FBRSL1: variants seen among roughly 807,000 people sequenced by gnomAD.
FBRSL1 encodes fibrosin like 1.
In FBRSL1, 51 loss-of-function variants were observed where a neutral mutation model predicts 89.6. The observed-to-expected ratio is 0.57, with a 90% confidence interval of 0.45 to 0.72. The LOEUF is 0.72. Ranked by LOEUF, FBRSL1 falls within the 30% of genes least tolerant of loss-of-function variation. The pLI is 0.00. For missense variants in FBRSL1, 1,618 were observed against 1,451.8 expected (o/e 1.11, Z -1.86); for synonymous variants, 779 against 681.1 (o/e 1.14, Z -2.24).
chr12:132,533,552 G>A (rs2036477153), intron 4 of FBRSL1, among the ~76,000 whole-genome samples: 1 of 152,266 alleles, frequency 6.6e-6, no homozygotes, highest in Non-Finnish European at 1.5e-5. Flanking sequence ...GGGTACCGTA[G>A]GGGTGGGGGC....
rs189313851 is a variant in FBRSL1, at chr12:132,577,507, G to T, written c.1834+576G>T. ...GGGGTCCCAGGACGGGCCCAGCTGC[G>T]GTGGTTTCCTAGGAAGGGTTCCAGG... On this transcript the variant is annotated intron_variant, in intron 15 of 18. Transcript: ENST00000680143. Among the ~76,000 whole-genome samples, 779 of 152,194 alleles carry T rather than the reference G, an allele frequency of 5.1e-3. 4 individuals carry two copies. Among genetic ancestry groups the T allele is most frequent in the African/African-American group, 0.017 (709 of 41,544 alleles).
intron 4 of FBRSL1, among the ~76,000 whole-genome samples, chr12:132,531,712 G>T (rs1051216906): frequency 1.3e-5 from 2 of 152,136 alleles, no homozygotes; most frequent in African/African-American, 4.8e-5. Flanking sequence ...GTTGCGTGTT[G>T]TGCACGTGTG....
chr12:132,570,380 G>A lies in FBRSL1; in HGVS notation c.1053G>A (p.Leu351=). 6.5e-7 allele frequency: 1 copy of A among 1,534,028 alleles called. No individual in the cohort carries two copies. Among genetic ancestry groups the A allele is most frequent in the African/African-American group, 1.4e-5 (1 of 72,790 alleles). ...APLGLGKHVS[L]SPHGPGPHLS... Reference sequence around the variant, plus strand: ...TGGGCCTGGGGAAGCACGTGTCGCTGTCGCCACACGGGCCGGGCCCCCACC... The same window carrying A: ...TGGGCCTGGGGAAGCACGTGTCGCTATCGCCACACGGGCCGGGCCCCCACC... The change falls in exon 8 of 19, where the codon CTG becomes CTA. Residue 351 remains leucine (L), a synonymous_variant. Coordinates refer to ENST00000680143, the MANE Select transcript of FBRSL1 (RefSeq NM_001367871.1).
intron 4 of FBRSL1, among the ~76,000 whole-genome samples, chr12:132,537,066 C>G (rs1482746880): frequency 2.6e-5 from 4 of 152,126 alleles, no homozygotes; most frequent in Non-Finnish European, 4.4e-5. Flanking sequence ...CACCAGGAAC[C>G]CCCTTGCTGT....
Position 132,584,579 on chromosome 12 carries a change from G to C in FBRSL1, c.*801G>C, listed in dbSNP as rs1287897473. 3.9e-5 allele frequency: 6 copies of C among 152,028 alleles called. No homozygotes were observed. The highest frequency in any genetic ancestry group is 2.1e-4 in the South Asian group (1 of 4,836). 9.4% of individuals were successfully genotyped at this position (152,028 alleles called of 1,614,324 possible). A position where few individuals can be genotyped will look rare whatever the true frequency, so the allele number is the denominator to read the frequency against. The stretch of plus-strand genomic sequence containing the variant: ...CGCTTCCCGGCGGCTCTGCTGGTTG[G>C]GGGAGGAAGGTTCCGCCAGCGACCT... On this transcript the variant is annotated 3_prime_UTR_variant, in exon 19 of 19. Coordinates refer to ENST00000680143, the MANE Select transcript of FBRSL1 (RefSeq NM_001367871.1).
Position 132,583,029 on chromosome 12 carries a change from C to T in FBRSL1, c.2260C>T (p.His754Tyr). 3 of 1,457,312 alleles carry T rather than the reference C, an allele frequency of 2.1e-6. No individual in the cohort carries two copies. The South Asian group carries it at 4.0e-5, about 19-fold the overall frequency. The allele number at this position is 1,457,312 out of a possible 1,614,324, so 90.3% of individuals were successfully genotyped here. The change falls in exon 19 of 19, where the codon CAC (histidine) becomes TAC (tyrosine). Residue 754 changes from histidine to tyrosine, a missense_variant. By Grantham distance (83) the His-to-Tyr change is moderately conservative (BLOSUM62 2). Transcript: ENST00000680143. The part of the protein sequence containing the change: ...SRASPATPAG[H>Y]PVSGLLLRAQ... ...GGCCTCGCCCGCCACCCCCGCTGGC[C>T]ACCCCGTCAGCGGCCTCCTGCTCCG...
chr12:132,549,680 C>T lies in FBRSL1; in HGVS notation c.645+1648C>T, dbSNP rs1418600013. Among the ~76,000 whole-genome samples, 5 of 152,328 alleles carry T rather than the reference C, an allele frequency of 3.3e-5. No individual in the cohort carries two copies. The East Asian group carries it at 9.7e-4, about 29-fold the overall frequency. On this transcript the variant is annotated intron_variant, in intron 5 of 18. Coordinates refer to ENST00000680143, the MANE Select transcript of FBRSL1 (RefSeq NM_001367871.1). ...CGAGATGAGGCAAAGCCACCTGTGG[C>T]CCCGGAGGCCAGGTCCACGTGGAGT...
intron 1 of FBRSL1, among the ~76,000 whole-genome samples, chr12:132,506,684 A>G (rs369109117): frequency 3.9e-5 from 6 of 152,370 alleles, no homozygotes; most frequent in South Asian, 4.1e-4. Flanking sequence ...CAGTGTTAGC[A>G]GATTGCGTCC....
chr12:132,502,728 G>A (rs1162869694), intron 1 of FBRSL1, among the ~76,000 whole-genome samples: 1 of 119,880 alleles, frequency 8.3e-6, no homozygotes, highest in Non-Finnish European at 1.7e-5. Context: ...CCTCGAGCCC[G>A]CTATCCCCAT....
At chr12:132,490,900 G>A in intron 1 of FBRSL1, 39 bp downstream of exon 1, 1 of 1,287,190 alleles carries the variant, frequency 7.8e-7, no homozygotes, top group South Asian at 1.7e-5. Context: ...GTTGAGGCGA[G>A]AACGGGGCCC....
At chr12:132,558,866 C>T (rs1422011284) in intron 5 of FBRSL1, among the ~76,000 whole-genome samples, 2 of 152,240 alleles carry the variant, frequency 1.3e-5, no homozygotes, top group Non-Finnish European at 2.9e-5. Context: ...TGTCCCTGGC[C>T]GCACCAGAGC....
intron 1 of FBRSL1, among the ~76,000 whole-genome samples, chr12:132,493,603 G>A (rs2031486216): frequency 2.0e-5 from 3 of 152,188 alleles, no homozygotes; most frequent in Admixed American, 2.0e-4. Context: ...CCCTGTGCCC[G>A]GGGCAGGTCT....
chr12:132,514,091 T>A lies in FBRSL1; in HGVS notation c.489+5741T>A, dbSNP rs143429343. Among the ~76,000 whole-genome samples the A allele has an allele frequency of 4.2e-3, 637 of 152,362 alleles. 2 individuals are homozygous for A. The highest frequency in any genetic ancestry group is 0.015 in the African/African-American group (617 of 41,588). ...CGTTTGCTCATTCGGGATCCTTGTC[T>A]GGGCACTGAGGACGATGAGCTCCGC... On this transcript the variant is annotated intron_variant, in intron 2 of 18. Transcript: ENST00000680143.
intron 2 of FBRSL1, among the ~76,000 whole-genome samples, chr12:132,514,595 C>T (rs1031887971): frequency 4.6e-5 from 7 of 152,146 alleles, no homozygotes; most frequent in African/African-American, 1.7e-4. Flanking sequence ...GGGGGGACTC[C>T]GAGGAAGAAG....
intron 6 of FBRSL1, among the ~76,000 whole-genome samples, chr12:132,568,643 C>T (rs1476486389): frequency 1.3e-5 from 2 of 152,264 alleles, no homozygotes; most frequent in African/African-American, 4.8e-5. Flanking sequence ...CGGCCCAAGC[C>T]TCTTTCCATC....
Position 132,490,863 on chromosome 12 carries a change from T to G in FBRSL1, c.291+2T>G, listed in dbSNP as rs767353491. 7.9e-7 allele frequency: 1 copy of G among 1,263,474 alleles called. No individual in the cohort carries two copies. The highest frequency in any genetic ancestry group is 1.0e-6 in the Non-Finnish European group (1 of 953,886). The allele number at this position is 1,263,474 out of a possible 1,614,324, so 78.3% of individuals were successfully genotyped here. On this transcript the variant is annotated splice_donor_variant, in intron 1 of 18. Transcript: ENST00000680143. LOFTEE classifies it high-confidence loss of function. ...TTCAGCACCCTGGAGGCCCTGGAGG[T>G]AGGTGGACGGGTGCGGCTTCGCAGG...
In FBRSL1 at chr12:132,546,047, CT is replaced by C. The variant is rs1282828910; in HGVS notation, c.616-1955del. On this transcript the variant is annotated intron_variant, in intron 4 of 18. Transcript: ENST00000680143. The surrounding 1 kb of genome is among the most constrained non-coding windows in gnomAD (Gnocchi z 4.0). ...GGCATCCTTGGCACAGTCTCGGCTC[CT>C]GCTTTGCCCTCTTCCGGTCCCCTCA... Among the ~76,000 whole-genome samples the C allele has an allele frequency of 1.3e-5, 2 of 152,216 alleles. No homozygotes were observed. Among genetic ancestry groups the C allele is most frequent in the Non-Finnish European group, 2.9e-5 (2 of 68,036 alleles).
chr12:132,497,310 G>A (rs2032202578), intron 1 of FBRSL1, among the ~76,000 whole-genome samples: 1 of 152,148 alleles, frequency 6.6e-6, no homozygotes, highest in Non-Finnish European at 1.5e-5. Flanking sequence ...ACCTCGCTAG[G>A]AGTGGAGGCT....
At chr12:132,570,744 GAC>G (rs1345389772) in intron 8 of FBRSL1, among the ~76,000 whole-genome samples, 3 of 152,200 alleles carry the variant, frequency 2.0e-5, no homozygotes, top group Non-Finnish European at 4.4e-5. Flanking sequence ...GGACAGGCAG[GAC>G]ACGTGCCCAT....
Sources: allele counts gnomAD v4.1 joint callset (sites outside exome capture counted in the v4.1 genomes callset), GRCh38; gene constraint gnomAD v4.1.1; non-coding constraint Gnocchi (gnomAD v3.1); transcripts MANE v1.5; gene names NCBI Gene and HGNC (gene_info 2026-07-23, HGNC 2026-07-21).